The following ZHX3 variants were observed in gnomAD, a reference collection of about 807,000 sequenced individuals.
ZHX3 encodes zinc fingers and homeoboxes protein 3.
ZHX3 carries 20 observed loss-of-function variants against 64.5 expected under a neutral mutation model. The ratio of observed to expected loss-of-function variants is 0.31; its 90% confidence interval spans 0.22 to 0.45. The LOEUF is 0.45. ZHX3 is among the 20% of genes least tolerant of loss of function. ZHX3 has a pLI of 1.00. For missense variants in ZHX3, 1,041 were observed against 1,195.8 expected, an observed-to-expected ratio of 0.87 and a Z score of 1.91; for synonymous variants, 423 against 461.6, an observed-to-expected ratio of 0.92 and a Z score of 1.07.
rs1056912681 is a variant in ZHX3 at position 41,226,355 on chromosome 20, C to CAAAAAAAAAAAA, written c.-150-21290_-150-21289insTTTTTTTTTTTT. Among the ~76,000 whole-genome samples, 66 of 150,312 alleles carry CAAAAAAAAAAAA rather than the reference C, an allele frequency of 4.4e-4. 1 individual carries two copies. The highest frequency in any genetic ancestry group is 4.3e-3 in the East Asian group (22 of 5,104). On this transcript the variant is annotated intron_variant, in intron 2 of 3. Transcript: ENST00000683867. This position sits in a 1 kb window ranked among gnomAD's most constrained non-coding sequence, Gnocchi z 4.4. ...TGGGTGACAGGGCAATACTCTATTT[C>CAAAAAAAAAAAA]AAAAACAAAAGAATTTCCTTTCATT...
At chr20:41,294,424 T>A (rs1393570588) in intron 1 of ZHX3, among the ~76,000 whole-genome samples, 1 of 152,144 alleles carries the variant, frequency 6.6e-6, no homozygotes, top group African/African-American at 2.4e-5. Context: ...TACAGCGATA[T>A]GATCTCGGCT....
chr20:41,254,350 A>AAT (rs1167544561), intron 2 of ZHX3, among the ~76,000 whole-genome samples: 1 of 152,174 alleles, frequency 6.6e-6, no homozygotes, highest in African/African-American at 2.4e-5. Flanking sequence ...TCTATGGAAT[A>AAT]ATAATTACAA....
chr20:41,286,202 G>T (rs1160461836), intron 1 of ZHX3, among the ~76,000 whole-genome samples: 1 of 152,172 alleles, frequency 6.6e-6, no homozygotes, highest in Non-Finnish European at 1.5e-5. Flanking sequence ...TTTATGAATT[G>T]TATCATTGCT....
At chr20:41,265,428 C>T (rs569830427) in intron 2 of ZHX3, among the ~76,000 whole-genome samples, 11 of 152,108 alleles carry the variant, frequency 7.2e-5, no homozygotes, top group Non-Finnish European at 1.5e-4. Context: ...TCTCAAACTC[C>T]CGACCTCAGA....
rs1568845524 is a variant in ZHX3, at chr20:41,219,479, A to C, written c.-150-14413T>G. ...ATGGCCTATACCTGAAGATCTCCAA[A>C]GATAGGGAGCTTGGCACTTATTGAC... is the stretch of plus-strand genomic sequence containing the variant. On this transcript the variant is annotated intron_variant, in intron 2 of 3. Transcript: ENST00000683867. This position sits in a 1 kb window ranked among gnomAD's most constrained non-coding sequence, Gnocchi z 5.0. Among the ~76,000 whole-genome samples the C allele has an allele frequency of 6.6e-6, 1 of 152,234 alleles. No homozygotes were observed. The highest frequency in any genetic ancestry group is 1.5e-5 in the Non-Finnish European group (1 of 68,030).
rs1053616770 is a variant in ZHX3, at chr20:41,228,988, G to T, written c.-150-23922C>A. Among the ~76,000 whole-genome samples, 3 of 152,036 alleles carry T rather than the reference G, an allele frequency of 2.0e-5. No individual in the cohort carries two copies. Among genetic ancestry groups the T allele is most frequent in the African/African-American group, 7.2e-5 (3 of 41,398 alleles). On this transcript the variant is annotated intron_variant, in intron 2 of 3. Transcript: ENST00000683867. This position sits in a 1 kb window ranked among gnomAD's most constrained non-coding sequence, Gnocchi z 4.6. ...TAAGTATTAACACAGTCACATTGTT[G>T]TACAACCATCATCACCATCTGCCTC...
At chr20:41,282,766 A>G (rs905691526) in intron 1 of ZHX3, among the ~76,000 whole-genome samples, 1 of 152,226 alleles carries the variant, frequency 6.6e-6, no homozygotes, top group Non-Finnish European at 1.5e-5. Context: ...CAAACAAGGA[A>G]TCTAATAAAA....
chr20:41,233,619 T>C (rs2040770522), intron 2 of ZHX3, among the ~76,000 whole-genome samples: 1 of 152,102 alleles, frequency 6.6e-6, no homozygotes, highest in Admixed American at 6.5e-5. Flanking sequence ...TAGGGGAACA[T>C]GGATAGATAC....
At position 41,232,291 on chromosome 20, in the gene ZHX3, A is replaced by T. The variant is rs2040660072; in HGVS notation, c.-150-27225T>A. Among the ~76,000 whole-genome samples the T allele has an allele frequency of 7.1e-6, 1 of 140,904 alleles. No individual in the cohort carries two copies. Among genetic ancestry groups the T allele is most frequent in the Non-Finnish European group, 1.6e-5 (1 of 64,030 alleles). 92.4% of individuals were successfully genotyped at this position (140,904 alleles called of 152,430 possible). ...TGAAAATGGACTTACGCTGCAGCAT[A>T]AAAAAAAAAAAAAGGTCTAGTTTTA... On this transcript the variant is annotated intron_variant, in intron 2 of 3. Coordinates refer to ENST00000683867, the MANE Select transcript of ZHX3 (RefSeq NM_001384317.1). This position sits in a 1 kb window ranked among gnomAD's most constrained non-coding sequence, Gnocchi z 5.0.
chr20:41,211,441 A>C (rs1480145684), intron 2 of ZHX3, among the ~76,000 whole-genome samples: 1 of 152,076 alleles, frequency 6.6e-6, no homozygotes, highest in African/African-American at 2.4e-5. Flanking sequence ...ACAACTTCTC[A>C]CCCCTTCCCC....
intron 1 of ZHX3, among the ~76,000 whole-genome samples, chr20:41,293,957 C>T (rs1189691277): frequency 2.0e-5 from 3 of 152,088 alleles, no homozygotes; most frequent in African/African-American, 7.2e-5. Flanking sequence ...CCTGTTTTTC[C>T]AGAAAGCACA....
intron 1 of ZHX3, among the ~76,000 whole-genome samples, chr20:41,311,690 T>A (rs2045141605): frequency 6.6e-6 from 1 of 152,220 alleles, no homozygotes; most frequent in Non-Finnish European, 1.5e-5. Flanking sequence ...ACCATATTCT[T>A]AGCTATGTAA....
intron 2 of ZHX3, among the ~76,000 whole-genome samples, chr20:41,264,506 C>T (rs2042733951): frequency 6.7e-6 from 1 of 148,240 alleles, no homozygotes; most frequent in Non-Finnish European, 1.5e-5. Flanking sequence ...CTGCAGTGAG[C>T]CAAGATCACG....
intron 2 of ZHX3, among the ~76,000 whole-genome samples, chr20:41,216,689 C>T (rs934005087): frequency 2.6e-5 from 4 of 152,196 alleles, no homozygotes; most frequent in Non-Finnish European, 5.9e-5. Flanking sequence ...ACCATCCCTG[C>T]ACATATTTTT....
intron 3 of ZHX3, among the ~76,000 whole-genome samples, chr20:41,189,360 T>C (rs543928299): frequency 6.2e-4 from 94 of 152,326 alleles, no homozygotes; most frequent in African/African-American, 2.1e-3. Flanking sequence ...AGGGTTTTTT[T>C]CTACTCCTGT....
chr20:41,246,821 C>T (rs940455007), intron 2 of ZHX3, among the ~76,000 whole-genome samples: 5 of 151,000 alleles, frequency 3.3e-5, no homozygotes, highest in African/African-American at 9.8e-5. Flanking sequence ...TGCAGTGAGC[C>T]GAGACTGTGC....
At chr20:41,215,465 T>G (rs747106507) in intron 2 of ZHX3, among the ~76,000 whole-genome samples, 6 of 152,080 alleles carry the variant, frequency 3.9e-5, no homozygotes, top group Non-Finnish European at 8.8e-5. Flanking sequence ...GTGTTTATCT[T>G]TAAATTATAG....
chr20:41,266,450 G>A (rs1233236230), intron 2 of ZHX3, among the ~76,000 whole-genome samples: 1 of 151,936 alleles, frequency 6.6e-6, no homozygotes, highest in African/African-American at 2.4e-5. Context: ...GCATTGCTAG[G>A]GCCCACCTGT....
chr20:41,284,086 G>A (rs953318576), intron 1 of ZHX3, among the ~76,000 whole-genome samples: 16 of 152,088 alleles, frequency 1.1e-4, no homozygotes, highest in South Asian at 2.1e-4. Flanking sequence ...ATGAGTTAGC[G>A]TCCCCAGAGT....
Sources: allele counts gnomAD v4.1 joint callset (sites outside exome capture counted in the v4.1 genomes callset), GRCh38; gene constraint gnomAD v4.1.1; non-coding constraint Gnocchi (gnomAD v3.1); transcripts MANE v1.5; gene names NCBI Gene and HGNC (gene_info 2026-07-23, HGNC 2026-07-21).